The following HIBCH variants were observed in gnomAD, a reference collection of about 807,000 sequenced individuals.
HIBCH encodes 3-hydroxyisobutyryl-CoA hydrolase, also known as 3-hydroxyisobutyryl-CoA hydrolase, mitochondrial.
HIBCH carries 50 observed loss-of-function variants against 58.2 expected under a neutral mutation model. That is an observed-to-expected ratio of 0.86 (90% CI 0.68 to 1.09). HIBCH has a LOEUF of 1.09. Among genes scored for constraint, HIBCH ranks in the 50% least tolerant of loss-of-function variants. The probability of loss-of-function intolerance (pLI) is 0.00; values close to 1 mark genes in which losing one functional copy is unlikely to be tolerated. For missense variants in HIBCH, 450 were observed against 449.7 expected (o/e 1.00, Z -0.01); for synonymous variants, 151 against 146.9 (o/e 1.03, Z -0.20).
rs1459261983 is a variant in HIBCH at position 190,294,579 on chromosome 2, C to T, written c.271G>A (p.Gly91Arg). The T allele has an allele frequency of 1.9e-6, 3 of 1,612,718 alleles. No individual in the cohort carries two copies. Among genetic ancestry groups the T allele is most frequent in the African/African-American group, 2.7e-5 (2 of 74,888 alleles). ...TFLIIIKGAG[G>R]KAFCAGGDIR... ...TCACCCCCGGCACAGAAAGCCTTTC[C>T]TCCTGCTCCCTTTATAATGATCAGG... Residue 91 changes from glycine to arginine, a missense_variant, in exon 4 of 14, where the codon GGA becomes AGA. By Grantham distance (125) the Gly-to-Arg change is moderately radical. Transcript: ENST00000359678.
chr2:190,310,865 A>G (rs1213894934), intron 1 of HIBCH, 69 bp from the exon 2 acceptor site: 2 of 1,108,864 alleles, frequency 1.8e-6, no homozygotes, highest in East Asian at 4.7e-5. Flanking sequence ...CAAATAGTAT[A>G]TCACCTTTTG....
chr2:190,310,719 C>T (rs778992850), intron 2 of HIBCH, 35 bp downstream of exon 2: 3 of 1,543,968 alleles, frequency 1.9e-6, no homozygotes, highest in Non-Finnish European at 2.7e-6. Flanking sequence ...GTTACACATA[C>T]AAATAATGCC....
chr2:190,218,837 A>C (rs1319877288), intron 11 of HIBCH, among the ~76,000 whole-genome samples: 1 of 152,210 alleles, frequency 6.6e-6, no homozygotes, highest in Non-Finnish European at 1.5e-5. Context: ...CAAAGGTCAA[A>C]TCCTAGAGCG....
At chr2:190,272,510 C>T (rs1184201322) in intron 6 of HIBCH, among the ~76,000 whole-genome samples, 1 of 152,178 alleles carries the variant, frequency 6.6e-6, no homozygotes, top group African/African-American at 2.4e-5. Flanking sequence ...TCCAAACCAA[C>T]ATGGTCAGGG....
Position 190,207,401 on chromosome 2 carries a change from A to G in HIBCH, c.1045+1479T>C, listed in dbSNP as rs1006630567. Reference sequence around the variant, plus strand: ...TGTGAGGAAAATGCCTATGTTACTTAGTTTCTACAAGACACACTGCCATCT... The same window carrying G: ...TGTGAGGAAAATGCCTATGTTACTTGGTTTCTACAAGACACACTGCCATCT... On this transcript the variant is annotated intron_variant, in intron 13 of 13. Coordinates refer to ENST00000359678, the MANE Select transcript of HIBCH (RefSeq NM_014362.4). The surrounding 1 kb of genome is among the most constrained non-coding windows in gnomAD (Gnocchi z 4.5). Among the ~76,000 whole-genome samples the G allele has an allele frequency of 2.0e-5, 3 of 152,216 alleles. No homozygotes were observed. Among genetic ancestry groups the G allele is most frequent in the Non-Finnish European group, 4.4e-5 (3 of 68,032 alleles).
chr2:190,290,507 T>TAAA, intron 4 of HIBCH, 22 bp from the exon 5 acceptor site: 1 of 1,211,190 alleles, frequency 8.3e-7, no homozygotes, highest in Non-Finnish European at 1.1e-6. Flanking sequence ...AGATTACAAA[T>TAAA]AAAAAAAAAA....
At chr2:190,292,587 A>G (rs1468274945) in intron 4 of HIBCH, among the ~76,000 whole-genome samples, 2 of 152,256 alleles carry the variant, frequency 1.3e-5, no homozygotes, top group South Asian at 2.1e-4. Flanking sequence ...CTGAGATTAC[A>G]GGCGTTAGCC....
intron 11 of HIBCH, among the ~76,000 whole-genome samples, chr2:190,237,191 C>A (rs1419041609): frequency 1.3e-5 from 2 of 152,184 alleles, no homozygotes; most frequent in Non-Finnish European, 2.9e-5. Context: ...ATTAGCCCCA[C>A]AATCAAGATA....
At chr2:190,303,928 C>A (rs1688336123) in intron 2 of HIBCH, among the ~76,000 whole-genome samples, 1 of 152,020 alleles carries the variant, frequency 6.6e-6, no homozygotes, top group Admixed American at 6.6e-5. Flanking sequence ...CATATTCTTG[C>A]CAAAAACCTT....
At chr2:190,249,603 G>GA in intron 9 of HIBCH, 37 bp downstream of exon 9, 1 of 1,217,580 alleles carries the variant, frequency 8.2e-7, no homozygotes, top group South Asian at 1.2e-5. Flanking sequence ...CCCTCCCCAT[G>GA]AATTAAAACC....
At chr2:190,255,389 C>G (rs1004899898) in intron 7 of HIBCH, among the ~76,000 whole-genome samples, 2 of 152,174 alleles carry the variant, frequency 1.3e-5, no homozygotes, top group African/African-American at 4.8e-5. Context: ...CTGACTCTTG[C>G]TATTCACATC....
In HIBCH at chr2:190,306,262, T is replaced by C. The variant is rs1240270713; in HGVS notation, c.78+4492A>G. Among the ~76,000 whole-genome samples, 1 of 152,112 alleles carries C rather than the reference T, an allele frequency of 6.6e-6. No individual in the cohort carries two copies. The highest frequency in any genetic ancestry group is 1.5e-5 in the Non-Finnish European group (1 of 68,016). ...TGCAATCTGGCATAAGCGCTGGAAATTTCTCTGTACCTTACTGCTGGGTGT... is the reference window on the plus strand; with the variant it reads ...TGCAATCTGGCATAAGCGCTGGAAACTTCTCTGTACCTTACTGCTGGGTGT... On this transcript the variant is annotated intron_variant, in intron 2 of 13. Transcript: ENST00000359678. This position sits in a 1 kb window ranked among gnomAD's most constrained non-coding sequence, Gnocchi z 4.6.
Position 190,190,863 on chromosome 2 carries a change from C to G in HIBCH, c.*18-866G>C, listed in dbSNP as rs1689678553. 2.0e-5 allele frequency among the ~76,000 whole-genome samples: 3 copies of G among 152,120 alleles called. No individual in the cohort carries two copies. The South Asian group carries it at 6.2e-4, about 31-fold the overall frequency. ...GCATGTTTAGATTTGTTACAGCCAC[C>G]ACCACAATCGGGATAAAGAATAGTT... On this transcript the variant is annotated intron_variant, in intron 1 of 1. Transcript: ENST00000399855.
At chr2:190,245,989 CAAAAA>C (rs527873173) in intron 10 of HIBCH, among the ~76,000 whole-genome samples, 160 bp downstream of exon 10, 1 of 60,268 alleles carries the variant, frequency 1.7e-5, no homozygotes, top group Non-Finnish European at 3.7e-5. Flanking sequence ...GACTCTGTCT[CAAAAA>C]AAAAAAAAAA....
intron 11 of HIBCH, chr2:190,213,995 G>A (rs1298020532): frequency 6.6e-6 from 1 of 152,178 alleles, no homozygotes; most frequent in African/African-American, 2.4e-5. Flanking sequence ...GGTTTGGACG[G>A]GTGAATTGTT....
chr2:190,241,277 C>A (rs1268638831), intron 11 of HIBCH, among the ~76,000 whole-genome samples: 1 of 152,202 alleles, frequency 6.6e-6, no homozygotes, highest in Non-Finnish European at 1.5e-5. Flanking sequence ...TTATCAGAAA[C>A]TAGGATTGCA....
intron 6 of HIBCH, among the ~76,000 whole-genome samples, chr2:190,273,005 A>G (rs1047338679): frequency 3.3e-5 from 5 of 152,224 alleles, no homozygotes; most frequent in Admixed American, 3.3e-4. Flanking sequence ...TGAAAAATCA[A>G]TATAACCCAA....
intron 7 of HIBCH, among the ~76,000 whole-genome samples, chr2:190,255,375 G>A (rs996536774): frequency 5.3e-5 from 8 of 152,102 alleles, no homozygotes; most frequent in African/African-American, 1.9e-4. Flanking sequence ...AGTTCTTCAT[G>A]TAGCTGACTC....
At chr2:190,232,755 G>A (rs186407974) in intron 11 of HIBCH, among the ~76,000 whole-genome samples, 9 of 152,186 alleles carry the variant, frequency 5.9e-5, no homozygotes, top group African/African-American at 1.9e-4. Flanking sequence ...TCAGGAGATC[G>A]AGACCACCCT....
Sources: gnomAD v4.1 joint callset for allele counts (sites outside exome capture counted in the v4.1 genomes callset) on GRCh38, gnomAD v4.1.1 for gene constraint, Gnocchi (gnomAD v3.1) non-coding constraint, MANE v1.5 for transcripts, NCBI Gene and HGNC (gene_info 2026-07-23, HGNC 2026-07-21) for gene names.